The following BEND3 variants were observed in gnomAD, a reference collection of about 807,000 sequenced individuals.
BEND3 encodes the protein BEN domain-containing protein 3.
Under a neutral mutation model 60.1 loss-of-function variants are expected in BEND3, and 13 were observed. The ratio of observed to expected loss-of-function variants is 0.22; its 90% CI spans 0.14 to 0.34. The LOEUF is 0.34. Ranked by LOEUF, BEND3 falls within the 10% of genes least tolerant of loss-of-function variation. BEND3 has a pLI of 1.00. For missense variants in BEND3, 896 were observed against 1,138.1 expected, an observed-to-expected ratio of 0.79 and a Z score of 3.06; for synonymous variants, 497 against 491.5, an observed-to-expected ratio of 1.01 and a Z score of -0.15.
chr6:107,068,219 G>T lies in BEND3; in HGVS notation c.*485C>A, dbSNP rs1407694315. The T allele has an allele frequency of 6.5e-6, 1 of 154,724 alleles. No homozygotes were observed. The highest frequency in any genetic ancestry group is 2.4e-5 in the African/African-American group (1 of 41,444). The allele number at this position is 154,724 out of a possible 1,614,324, so 9.6% of individuals were successfully genotyped here. A position where few individuals can be genotyped will look rare whatever the true frequency, so the allele number is the denominator to read the frequency against. On this transcript the variant is annotated 3_prime_UTR_variant, in exon 4 of 4. Transcript: ENST00000369042. This position sits in a 1 kb window ranked among gnomAD's most constrained non-coding sequence, Gnocchi z 5.8. Reference sequence around the variant, plus strand: ...GAAGCTATGATTAGCCACTGTGCACGAACATGGCACTTTTAAAGAGATTTT... The same window carrying T: ...GAAGCTATGATTAGCCACTGTGCACTAACATGGCACTTTTAAAGAGATTTT...
At chr6:107,084,075 G>A (rs186660244) in intron 3 of BEND3, among the ~76,000 whole-genome samples, 1 of 152,308 alleles carries the variant, frequency 6.6e-6, no homozygotes, top group Admixed American at 6.5e-5. Context: ...AAATCAACAC[G>A]TTTTCTTAAA....
intron 3 of BEND3, among the ~76,000 whole-genome samples, chr6:107,074,006 C>CT (rs1389752365): frequency 6.6e-6 from 1 of 152,224 alleles, no homozygotes; most frequent in Admixed American, 6.5e-5. Flanking sequence ...CCTTGTAAGC[C>CT]TCACCTTCCT....
In BEND3 at chr6:107,067,618, A is replaced by AT. The variant is rs1251949406; in HGVS notation, c.*1085dup. Reference sequence around the variant, plus strand: ...GGCCTGTGTCCTTCCAATGCATGGTATCCCCAAGAGGGGCCCAGACCTGGG... The same window carrying AT: ...GGCCTGTGTCCTTCCAATGCATGGTATTCCCCAAGAGGGGCCCAGACCTGGG... On this transcript the variant is annotated 3_prime_UTR_variant, in exon 4 of 4. Coordinates refer to ENST00000369042, the MANE Select transcript of BEND3 (RefSeq NM_001367314.1). 1.3e-5 allele frequency: 2 copies of AT among 152,292 alleles called. No homozygotes were observed. Among genetic ancestry groups the AT allele is most frequent in the African/African-American group, 4.8e-5 (2 of 41,464 alleles). 9.4% of individuals were successfully genotyped at this position (152,292 alleles called of 1,614,324 possible).
Position 107,069,561 on chromosome 6 carries a change from G to T in BEND3, c.1630C>A (p.Pro544Thr). The T allele has an allele frequency of 6.2e-7, 1 of 1,613,170 alleles. No homozygotes were observed. Among genetic ancestry groups the T allele is most frequent in the Non-Finnish European group, 8.5e-7 (1 of 1,180,030 alleles). ...IDFDKLEIPQ[P>T]DFEVPGADCL... ...TCGGCACCGGGCACCTCGAAGTCAG[G>T]CTGGGGGATCTCTAACTTGTCGAAG... is the stretch of plus-strand genomic sequence containing the variant. The change falls in exon 4 of 4, where the codon CCT becomes ACT. Residue 544 changes from proline (P) to threonine (T), a missense_variant. Pro to Thr is a conservative substitution (Grantham distance 38, BLOSUM62 -1). Around this residue, in one of 4 missense-constraint regions of BEND3, gnomAD observed 846 missense variants for 1,036.7 expected, o/e 0.82. Transcript: ENST00000369042.
At chr6:107,088,746 G>A (rs1322452149) in intron 3 of BEND3, among the ~76,000 whole-genome samples, 3 of 152,072 alleles carry the variant, frequency 2.0e-5, no homozygotes, top group Admixed American at 1.3e-4. Flanking sequence ...ACAAAAACCA[G>A]GAGTATTTCT....
chr6:107,106,742 A>G (rs1414613436), intron 1 of BEND3, among the ~76,000 whole-genome samples: 2 of 151,940 alleles, frequency 1.3e-5, no homozygotes, highest in Non-Finnish European at 2.9e-5. Flanking sequence ...GTGAGTAGCT[A>G]GGACTATAGG....
intron 1 of BEND3, chr6:107,114,022 C>T (rs1770192838): frequency 6.6e-6 from 1 of 152,206 alleles, no homozygotes; most frequent in South Asian, 2.1e-4. Flanking sequence ...TTGTTCCTCC[C>T]GGCACTCTTG....
intron 3 of BEND3, among the ~76,000 whole-genome samples, chr6:107,091,981 G>C (rs1381428596): frequency 1.3e-5 from 2 of 152,192 alleles, no homozygotes; most frequent in African/African-American, 2.4e-5. Flanking sequence ...CTGAGGCCAG[G>C]CATGGTGGCT....
chr6:107,086,382 C>T (rs926711980), intron 3 of BEND3, among the ~76,000 whole-genome samples: 6 of 151,976 alleles, frequency 3.9e-5, no homozygotes, highest in Non-Finnish European at 5.9e-5. Context: ...CCCAGGAGGC[C>T]GAGGTGGGCG....
At chr6:107,073,534 G>T (rs568862305) in intron 3 of BEND3, among the ~76,000 whole-genome samples, 162 of 152,110 alleles carry the variant, frequency 1.1e-3, no homozygotes, top group African/African-American at 3.8e-3. Flanking sequence ...TACAGAAGAG[G>T]TCAATGAATT....
rs1284515764 is a variant in BEND3 at position 107,070,868 on chromosome 6, A to G, written c.323T>C (p.Leu108Pro). The part of the protein sequence containing the change: ...NGEQAGRGRS[L>P]GNVWPGEEEP... ...CTCCTCTCCAGGCCACACATTGCCC[A>G]GGCTCCTGCCCCTGCCGGCCTGCTC... Residue 108 changes from leucine to proline, a missense_variant, in exon 4 of 4, where the codon CTG (leucine) becomes CCG (proline). Around this residue, in one of 4 missense-constraint regions of BEND3, gnomAD observed 846 missense variants for 1,036.7 expected, o/e 0.82. Transcript: ENST00000369042. The surrounding 1 kb of genome is among the most constrained non-coding windows in gnomAD (Gnocchi z 6.9). The G allele has an allele frequency of 1.9e-6, 3 of 1,613,918 alleles. No individual in the cohort carries two copies. The highest frequency in any genetic ancestry group is 2.5e-6 in the Non-Finnish European group (3 of 1,180,026).
At chr6:107,074,544 A>G (rs1348014466) in intron 3 of BEND3, among the ~76,000 whole-genome samples, 1 of 152,208 alleles carries the variant, frequency 6.6e-6, no homozygotes, top group Non-Finnish European at 1.5e-5. Context: ...TCTCAAGTAC[A>G]CTGAGAAGGA....
intron 1 of BEND3, among the ~76,000 whole-genome samples, chr6:107,102,807 C>T (rs1483683934): frequency 3.3e-5 from 5 of 152,184 alleles, no homozygotes; most frequent in African/African-American, 4.8e-5. Flanking sequence ...TCACACCAGG[C>T]ACTGGGCTGG....
In BEND3 at chr6:107,070,301, C is replaced by T. The variant is rs782329696; in HGVS notation, c.890G>A (p.Arg297His). The T allele has an allele frequency of 4.1e-5, 66 of 1,612,782 alleles. No homozygotes were observed. The highest frequency in any genetic ancestry group is 2.0e-4 in the Admixed American group (12 of 59,976). ...CTGCAGGTGCAGCGACTCCAGCTTG[C>T]GCTTGGCCGCAAAGCCACAGGCACT... ...GCSACGFAAK[R>H]KLESLHLQLI... is the part of the protein sequence containing the mutation. The change falls in exon 4 of 4, where the codon CGC (arginine) becomes CAC (histidine). Residue 297 changes from arginine (R) to histidine (H), a missense_variant. Physicochemically the swap from Arg to His is conservative, Grantham distance 29. Transcript: ENST00000369042. This position sits in a 1 kb window ranked among gnomAD's most constrained non-coding sequence, Gnocchi z 6.9.
intron 1 of BEND3, among the ~76,000 whole-genome samples, chr6:107,111,079 C>T (rs1327272603): frequency 1.3e-5 from 2 of 151,930 alleles, no homozygotes; most frequent in African/African-American, 4.8e-5. Context: ...GTGGGAGGAT[C>T]GCTTGAGCCC....
At chr6:107,105,204 C>G (rs1554237241) in intron 1 of BEND3, among the ~76,000 whole-genome samples, 1 of 151,974 alleles carries the variant, frequency 6.6e-6, no homozygotes, top group African/African-American at 2.4e-5. Flanking sequence ...AACCCCATCT[C>G]TACTAAAAAT....
chr6:107,098,706 C>A lies in BEND3; in HGVS notation c.85G>T (p.Ala29Ser), dbSNP rs782296870. Residue 29 changes from alanine to serine, a missense_variant, in exon 3 of 4, where the codon GCT becomes TCT. Coordinates refer to ENST00000369042, the MANE Select transcript of BEND3 (RefSeq NM_001367314.1). ...VKVETEAEDAALDCSVNSRTS... is the reference protein window; with the variant it reads ...VKVETEAEDASLDCSVNSRTS... Reference sequence around the variant, plus strand: ...CTGGAATTCACGGAGCAGTCCAGAGCAGCATCTTCAGCCTCTGTCTCCACT... The same window carrying A: ...CTGGAATTCACGGAGCAGTCCAGAGAAGCATCTTCAGCCTCTGTCTCCACT... 3 of 1,614,000 alleles carry A rather than the reference C, an allele frequency of 1.9e-6. No homozygotes were observed. In the South Asian group the frequency reaches 3.3e-5, roughly 18 times the overall value.
At chr6:107,112,124 C>T (rs6917915) in intron 1 of BEND3, among the ~76,000 whole-genome samples, 1 of 152,134 alleles carries the variant, frequency 6.6e-6, no homozygotes, top group African/African-American at 2.4e-5. Flanking sequence ...AATTTGAGGT[C>T]TTTAAACTTT....
In BEND3 at chr6:107,070,901, C is replaced by T. The variant is rs781935256; in HGVS notation, c.290G>A (p.Gly97Asp). The T allele has an allele frequency of 1.2e-6, 2 of 1,613,864 alleles. No individual in the cohort carries two copies. The highest frequency in any genetic ancestry group is 2.2e-5 in the South Asian group (2 of 91,078). The change falls in exon 4 of 4, where the codon GGC (glycine) becomes GAC (aspartate). Residue 97 changes from glycine (G) to aspartate (D), a missense_variant. Physicochemically the swap from Gly to Asp is moderately conservative, Grantham distance 94. Transcript: ENST00000369042. This position sits in a 1 kb window ranked among gnomAD's most constrained non-coding sequence, Gnocchi z 6.9. ...RNRENSSPCQ[G>D]NGEQAGRGRS... Reference sequence around the variant, plus strand: ...GCCCCTGCCGGCCTGCTCACCATTGCCTTGGCAGGGCGAGCTGTTCTCACG... The same window carrying T: ...GCCCCTGCCGGCCTGCTCACCATTGTCTTGGCAGGGCGAGCTGTTCTCACG...
Sources: allele counts gnomAD v4.1 joint callset (sites outside exome capture counted in the v4.1 genomes callset), GRCh38; gene constraint gnomAD v4.1.1; regional missense constraint gnomAD v4.1.1; non-coding constraint Gnocchi (gnomAD v3.1); transcripts MANE v1.5; gene names NCBI Gene and HGNC (gene_info 2026-07-23, HGNC 2026-07-21).